The following TMEM117 variants were observed in gnomAD, a reference collection of about 807,000 sequenced individuals.
TMEM117 encodes transmembrane protein 117.
In TMEM117, 27 loss-of-function variants were observed where a neutral mutation model predicts 52.4. The ratio of observed to expected loss-of-function variants is 0.51; its 90% CI spans 0.38 to 0.71. The LOEUF (loss-of-function observed/expected upper bound fraction) is 0.71, where lower values mean the gene tolerates loss of function less well. TMEM117 is among the 30% of genes least tolerant of loss of function. The pLI is 0.00. For missense variants in TMEM117, 556 were observed against 630.5 expected (o/e 0.88, Z 1.26); for synonymous variants, 215 against 206.3 (o/e 1.04, Z -0.36).
chr12:43,865,892 A>G (rs1943587591), intron 2 of TMEM117, among the ~76,000 whole-genome samples: 1 of 151,826 alleles, frequency 6.6e-6, no homozygotes. Context: ...ATACTCTTAG[A>G]GGAAGATAAT....
intron 2 of TMEM117, among the ~76,000 whole-genome samples, chr12:43,881,086 T>C (rs1193283069): frequency 2.0e-5 from 3 of 152,236 alleles, no homozygotes; most frequent in Non-Finnish European, 4.4e-5. Flanking sequence ...ACACATGACA[T>C]GTACTATTCA....
intron 4 of TMEM117, among the ~76,000 whole-genome samples, chr12:44,153,915 G>C (rs561775959): frequency 6.6e-5 from 10 of 152,116 alleles, no homozygotes; most frequent in African/African-American, 2.4e-4. Flanking sequence ...AAAGTAATTT[G>C]AGTGAACACA....
chr12:43,994,466 C>T (rs1945995394), intron 3 of TMEM117, among the ~76,000 whole-genome samples: 1 of 152,012 alleles, frequency 6.6e-6, no homozygotes, highest in Admixed American at 6.6e-5. Context: ...ATTTTTTTCC[C>T]ATGGAATAAC....
At chr12:43,899,362 C>T (rs1253147103) in intron 2 of TMEM117, among the ~76,000 whole-genome samples, 1 of 152,136 alleles carries the variant, frequency 6.6e-6, no homozygotes, top group Non-Finnish European at 1.5e-5. Context: ...AGATTCTGAA[C>T]TTTCTTCATC....
chr12:43,989,595 C>T (rs1287932784), intron 3 of TMEM117, among the ~76,000 whole-genome samples: 5 of 151,916 alleles, frequency 3.3e-5, no homozygotes, highest in African/African-American at 9.7e-5. Context: ...AATCAGAGAT[C>T]GATGACCTCT....
chr12:44,386,051 C>T (rs76196631), intron 7 of TMEM117, among the ~76,000 whole-genome samples: 8,568 of 152,198 alleles, frequency 0.056, 259 homozygotes, highest in African/African-American at 0.076. Flanking sequence ...GTTCCGTCCT[C>T]AAAATCTTTC....
chr12:43,909,642 T>G (rs1171981335), intron 2 of TMEM117, among the ~76,000 whole-genome samples: 2 of 151,794 alleles, frequency 1.3e-5, no homozygotes, highest in Admixed American at 1.3e-4. Flanking sequence ...ATAGATGCAA[T>G]AAAAAATGAT....
At chr12:44,150,416 G>T (rs1042787208) in intron 4 of TMEM117, among the ~76,000 whole-genome samples, 1 of 152,048 alleles carries the variant, frequency 6.6e-6, no homozygotes, top group Non-Finnish European at 1.5e-5. Context: ...TTGGGCAATG[G>T]AGTGCTCCAG....
intron 7 of TMEM117, among the ~76,000 whole-genome samples, chr12:44,380,494 C>T (rs548327941): frequency 2.0e-5 from 3 of 152,160 alleles, no homozygotes; most frequent in Non-Finnish European, 2.9e-5. Flanking sequence ...TTAGAAAAGA[C>T]ATCCAGCATA....
chr12:44,251,814 CAACA>C (rs1043296919), intron 5 of TMEM117, among the ~76,000 whole-genome samples: 4 of 152,046 alleles, frequency 2.6e-5, no homozygotes, highest in Admixed American at 2.0e-4. Context: ...AAGAAATAAG[CAACA>C]AACAAAAACA....
chr12:43,852,526 C>T (rs1380764403), intron 2 of TMEM117, among the ~76,000 whole-genome samples: 8 of 152,176 alleles, frequency 5.3e-5, no homozygotes, highest in Admixed American at 6.5e-5. Flanking sequence ...CACTTGAACC[C>T]AGGAGGCAGA....
At chr12:43,805,745 C>A in the TMEM117 span, 3 of 1,296,646 alleles carry the variant, frequency 2.3e-6, no homozygotes, top group South Asian at 3.5e-5. Flanking sequence ...AGCACCCCTA[C>A]TGATGTGAGA....
the TMEM117 span, chr12:43,797,013 A>T: frequency 2.5e-6 from 4 of 1,611,502 alleles, no homozygotes; most frequent in Admixed American, 6.7e-5. Context: ...TCTTTCTACA[A>T]TTTCTAGCAG....
intron 2 of TMEM117, among the ~76,000 whole-genome samples, chr12:43,861,876 G>A (rs575143239): frequency 1.3e-5 from 2 of 152,164 alleles, no homozygotes; most frequent in Admixed American, 6.5e-5. Context: ...AATTGTGGTC[G>A]GTCATTCCTG....
At chr12:43,917,499 C>T (rs990564596) in intron 2 of TMEM117, among the ~76,000 whole-genome samples, 3 of 152,112 alleles carry the variant, frequency 2.0e-5, no homozygotes, top group African/African-American at 7.2e-5. Flanking sequence ...TTACATATAA[C>T]CAGAAGCAGG....
At chr12:44,028,305 C>G (rs544740966) in intron 3 of TMEM117, among the ~76,000 whole-genome samples, 1 of 152,072 alleles carries the variant, frequency 6.6e-6, no homozygotes, top group African/African-American at 2.4e-5. Flanking sequence ...AATGAATGAG[C>G]AAATCAGTGT....
intron 6 of TMEM117, among the ~76,000 whole-genome samples, chr12:44,315,212 A>G (rs912542751): frequency 2.5e-4 from 38 of 152,106 alleles, no homozygotes; most frequent in African/African-American, 8.7e-4. Context: ...TTTTGGGTTC[A>G]TTGATGCTTT....
intron 2 of TMEM117, among the ~76,000 whole-genome samples, chr12:43,856,959 C>A (rs1412083727): frequency 1.3e-5 from 2 of 152,172 alleles, no homozygotes; most frequent in African/African-American, 4.8e-5. Flanking sequence ...AGCTACTGAA[C>A]TTTGTAGCCC....
chr12:44,178,840 T>A (rs1949150847), intron 4 of TMEM117, among the ~76,000 whole-genome samples: 1 of 152,186 alleles, frequency 6.6e-6, no homozygotes. Flanking sequence ...TGACACATAG[T>A]AAGTAGTTGT....
Sources: allele counts gnomAD v4.1 joint callset (sites outside exome capture counted in the v4.1 genomes callset), GRCh38; gene constraint gnomAD v4.1.1; transcripts MANE v1.5; gene names NCBI Gene and HGNC (gene_info 2026-07-23, HGNC 2026-07-21).